Variants in ATP13A5 observed in about 807,000 individuals in gnomAD.
The protein encoded by ATP13A5 is probable cation-transporting ATPase 13A5.
A neutral mutation model predicts 150.2 loss-of-function variants in ATP13A5; 149 were observed. The ratio of observed to expected loss-of-function variants is 0.99; its 90% CI spans 0.87 to 1.14. The LOEUF (loss-of-function observed/expected upper bound fraction) is 1.14, where lower values mean the gene tolerates loss of function less well. ATP13A5 is among the 50% of genes most tolerant of loss of function. The pLI is 0.00. For missense variants in ATP13A5, 1,383 were observed against 1,449.3 expected, an observed-to-expected ratio of 0.95 and a Z score of 0.74; for synonymous variants, 497 against 522.2, an observed-to-expected ratio of 0.95 and a Z score of 0.66.
chr3:193,353,595 G>A (rs1224009994), intron 6 of ATP13A5, among the ~76,000 whole-genome samples: 2 of 152,064 alleles, frequency 1.3e-5, no homozygotes, highest in Non-Finnish European at 2.9e-5. Flanking sequence ...AGGCAATTAG[G>A]TTTAGATGAG....
chr3:193,354,619 G>T (rs1233119178), intron 5 of ATP13A5, among the ~76,000 whole-genome samples: 1 of 151,356 alleles, frequency 6.6e-6, no homozygotes, highest in Non-Finnish European at 1.5e-5. Flanking sequence ...CTAGGACAGG[G>T]CCCTTAGTAT....
chr3:193,303,644 T>C (rs1718494684), intron 23 of ATP13A5, among the ~76,000 whole-genome samples: 1 of 151,964 alleles, frequency 6.6e-6, no homozygotes, highest in Non-Finnish European at 1.5e-5. Flanking sequence ...AATGGTGGAT[T>C]ATGACAGGTT....
At chr3:193,300,669 G>A (rs2108839262) in intron 24 of ATP13A5, among the ~76,000 whole-genome samples, 1 of 152,126 alleles carries the variant, frequency 6.6e-6, no homozygotes, top group East Asian at 1.9e-4. Flanking sequence ...ATTTTTAAAT[G>A]GCTATTTTCA....
intron 20 of ATP13A5, among the ~76,000 whole-genome samples, 186 bp from the exon 21 acceptor site, chr3:193,310,903 G>C (rs994157862): frequency 1.3e-5 from 2 of 152,164 alleles, no homozygotes; most frequent in Admixed American, 6.5e-5. Flanking sequence ...TTCACTTAAA[G>C]TCCTCCATCA....
intron 3 of ATP13A5, among the ~76,000 whole-genome samples, 167 bp from the exon 4 acceptor site, chr3:193,362,804 TCTTTCTTTCA>T (rs1713082310): frequency 7.9e-6 from 1 of 127,364 alleles, no homozygotes; most frequent in Non-Finnish European, 1.8e-5. Flanking sequence ...TTTCTTTCTT[TCTTTCTTTCA>T]GACAGGGTCT....
chr3:193,365,907 C>G (rs943452545), intron 1 of ATP13A5, among the ~76,000 whole-genome samples: 1 of 151,956 alleles, frequency 6.6e-6, no homozygotes, highest in African/African-American at 2.4e-5. Flanking sequence ...GCCTTGTGAA[C>G]TGGAATAATT....
intron 1 of ATP13A5, among the ~76,000 whole-genome samples, chr3:193,365,977 G>C (rs1333335621): frequency 6.6e-6 from 1 of 152,048 alleles, no homozygotes; most frequent in Non-Finnish European, 1.5e-5. Flanking sequence ...TCTACTCTTT[G>C]AATCAGTAAT....
At chr3:193,284,860 G>T in intron 27 of ATP13A5, 54 bp downstream of exon 27, 1 of 1,413,854 alleles carries the variant, frequency 7.1e-7, no homozygotes, top group South Asian at 1.3e-5. Context: ...ACTCTAGGGT[G>T]AGAAAGGGAA....
At chr3:193,377,977 C>A (rs62285674) in intron 1 of ATP13A5, among the ~76,000 whole-genome samples, 39,710 of 152,066 alleles carry the variant, frequency 0.26, 5,647 homozygotes, top group East Asian at 0.55. Context: ...TTAGTTCTTT[C>A]ATCACTGAGG....
chr3:193,360,329 T>C (rs1007966551), intron 5 of ATP13A5, among the ~76,000 whole-genome samples: 1 of 152,222 alleles, frequency 6.6e-6, no homozygotes, highest in Non-Finnish European at 1.5e-5. Context: ...AGGGAGCCCA[T>C]AGAAAAAGTT....
Position 193,276,780 on chromosome 3 carries a change from G to A in ATP13A5, c.3366C>T (p.Leu1122=), listed in dbSNP as rs772091429. 6.2e-7 allele frequency: 1 copy of A among 1,613,224 alleles called. No homozygotes were observed. Among genetic ancestry groups the A allele is most frequent in the South Asian group, 1.1e-5 (1 of 90,970 alleles). The change falls in exon 29 of 30, where the codon CTC becomes CTT. Residue 1122 remains leucine, a synonymous_variant. Coordinates refer to ENST00000342358, the MANE Select transcript of ATP13A5 (RefSeq NM_198505.4). ...SWRVLILVVA[L]TQFCVAFFVE... The stretch of plus-strand genomic sequence containing the variant: ...CAAAGAAAGCCACACAGAATTGGGT[G>A]AGGGCTACCACCAAAATTAAAACCC...
intron 6 of ATP13A5, among the ~76,000 whole-genome samples, chr3:193,352,177 A>T (rs1471494156): frequency 6.6e-6 from 1 of 152,250 alleles, no homozygotes; most frequent in East Asian, 1.9e-4. Flanking sequence ...GTGAACTGAC[A>T]TGTGGTAAAT....
chr3:193,274,965 G>T lies in ATP13A5; in HGVS notation c.*77C>A, dbSNP rs1717115821. On this transcript the variant is annotated 3_prime_UTR_variant, in exon 30 of 30. Coordinates refer to ENST00000342358, the MANE Select transcript of ATP13A5 (RefSeq NM_198505.4). ...TGGAGAGAGGAAAGGTAAGGGGAGA[G>T]TATCATCACTTCTCCACAATGTGTT... 3 of 1,538,156 alleles carry T rather than the reference G, an allele frequency of 2.0e-6. No homozygotes were observed. The highest frequency in any genetic ancestry group is 1.4e-5 in the African/African-American group (1 of 73,052).
chr3:193,292,033 C>G (rs1227461640), intron 25 of ATP13A5, among the ~76,000 whole-genome samples: 1 of 152,032 alleles, frequency 6.6e-6, no homozygotes, highest in African/African-American at 2.4e-5. Context: ...GTATCGAGAG[C>G]CCCACACCTG....
chr3:193,318,166 T>G (rs1209130113), intron 17 of ATP13A5, among the ~76,000 whole-genome samples: 1 of 152,234 alleles, frequency 6.6e-6, no homozygotes, highest in East Asian at 1.9e-4. Flanking sequence ...AGGAAGGGAC[T>G]GTGTTTACTA....
Position 193,314,173 on chromosome 3 carries a change from T to C in ATP13A5, c.2179A>G (p.Ile727Val), listed in dbSNP as rs770082611. ...ATTTCAGAATTCTTTGCAACAGTAA[T>C]GGCCGTTTGAAGGTTATCACCTAGA... is the stretch of plus-strand genomic sequence containing the variant. ...MITGDNLQTA[I>V]TVAKNSEMIP... is the part of the protein sequence containing the mutation. The change falls in exon 19 of 30, where the codon ATT becomes GTT. Residue 727 changes from isoleucine (I) to valine (V), a missense_variant. By Grantham distance (29) the Ile-to-Val change is conservative (BLOSUM62 3). Coordinates refer to ENST00000342358, the MANE Select transcript of ATP13A5 (RefSeq NM_198505.4). 11 of 1,613,702 alleles carry C rather than the reference T, an allele frequency of 6.8e-6. No individual in the cohort carries two copies. Among genetic ancestry groups the C allele is most frequent in the Non-Finnish European group, 9.3e-6 (11 of 1,179,794 alleles).
At chr3:193,305,319 A>G (rs1300273410) in intron 23 of ATP13A5, among the ~76,000 whole-genome samples, 3 of 152,194 alleles carry the variant, frequency 2.0e-5, no homozygotes, top group African/African-American at 7.2e-5. Context: ...CATCAAGTCA[A>G]GCTTTCAACT....
Position 193,363,337 on chromosome 3 carries a change from A to C in ATP13A5, c.283T>G (p.Leu95Val). The change falls in exon 3 of 30, where the codon TTA (leucine) becomes GTA (valine). Residue 95 changes from leucine (L) to valine (V), a missense_variant. Coordinates refer to ENST00000342358, the MANE Select transcript of ATP13A5 (RefSeq NM_198505.4). ...CTTACAGGAAACTTCAGTGTGGATA[A>C]GTAGAGGCAGAATACCTTCTTCCTC... ...YMRKKVFCLY[L>V]STLKFPVSKK... is the part of the protein sequence containing the mutation. The C allele has an allele frequency of 6.2e-7, 1 of 1,613,692 alleles. No homozygotes were observed. Among genetic ancestry groups the C allele is most frequent in the Admixed American group, 1.7e-5 (1 of 59,976 alleles).
chr3:193,319,309 C>T (rs776623963), intron 16 of ATP13A5, among the ~76,000 whole-genome samples: 3 of 152,298 alleles, frequency 2.0e-5, no homozygotes, highest in Admixed American at 6.5e-5. Context: ...ATGTCAAAGC[C>T]GTGCTGGTCA....
Sources: allele counts gnomAD v4.1 joint callset (sites outside exome capture counted in the v4.1 genomes callset), GRCh38; gene constraint gnomAD v4.1.1; transcripts MANE v1.5; gene names NCBI Gene and HGNC (gene_info 2026-07-23, HGNC 2026-07-21).